Variants in GAD2 observed in about 807,000 individuals in gnomAD.
The protein encoded by GAD2 is glutamate decarboxylase 2.
GAD2 carries 22 observed loss-of-function variants against 80.1 expected under a neutral mutation model. That is an observed-to-expected ratio of 0.27 (90% CI 0.20 to 0.39). GAD2 has a LOEUF of 0.39. Ranked by LOEUF, GAD2 falls within the 10% of genes least tolerant of loss-of-function variation. The pLI, the probability that GAD2 is intolerant of heterozygous loss-of-function variation, is 1.00. For missense variants in GAD2, 624 were observed against 738.4 expected (o/e 0.85, Z 1.80); for synonymous variants, 274 against 256.9 (o/e 1.07, Z -0.64).
chr10:26,233,031 CT>C (rs60784387), intron 7 of GAD2, among the ~76,000 whole-genome samples: 2,716 of 152,258 alleles, frequency 0.018, 89 homozygotes, highest in African/African-American at 0.062. Flanking sequence ...TTATATCTGA[CT>C]ACTATTTGAC....
intron 15 of GAD2, among the ~76,000 whole-genome samples, chr10:26,295,508 G>GCACACATACACA: frequency 7.5e-6 from 1 of 133,902 alleles, no homozygotes; most frequent in African/African-American, 3.0e-5. Context: ...TCATACGCAT[G>GCACACATACACA]CACACACACA....
At chr10:26,218,551 TCACACACACACA>T (rs59054319) in intron 3 of GAD2, among the ~76,000 whole-genome samples, 6 of 118,860 alleles carry the variant, frequency 5.0e-5, no homozygotes, top group East Asian at 5.5e-4. Context: ...TCTCTCTCTC[TCACACACACACA>T]CACACACACA....
intron 9 of GAD2, among the ~76,000 whole-genome samples, chr10:26,270,357 G>A (rs915782680): frequency 1.3e-5 from 2 of 152,114 alleles, no homozygotes; most frequent in African/African-American, 4.8e-5. Context: ...TACATGTCTC[G>A]GGGACGTCCC....
At chr10:26,221,165 T>G (rs543767765) in intron 4 of GAD2, among the ~76,000 whole-genome samples, 2 of 152,366 alleles carry the variant, frequency 1.3e-5, no homozygotes, top group East Asian at 3.9e-4. Context: ...ACTGTCATAC[T>G]TGTCATCTAA....
chr10:26,281,084 A>C lies in GAD2; in HGVS notation c.1233A>C (p.Glu411Asp). 2 of 1,608,766 alleles carry C rather than the reference A, an allele frequency of 1.2e-6. No homozygotes were observed. The highest frequency in any genetic ancestry group is 1.3e-5 in the African/African-American group (1 of 74,916). Reference sequence around the variant, plus strand: ...AGTGCTCTGCTCTCCTGGTTAGAGAAGAGGTATGTCTCTCTTGACTCTGTG... The same window carrying C: ...AGTGCTCTGCTCTCCTGGTTAGAGACGAGGTATGTCTCTCTTGACTCTGTG... ...PLQCSALLVREEGLMQNCNQM... is the reference protein window; with the variant it reads ...PLQCSALLVRDEGLMQNCNQM... The change falls in exon 12 of 16, where the codon GAA becomes GAC. Residue 411 changes from glutamate (E) to aspartate (D), a missense_variant. Glu to Asp is a conservative substitution (Grantham distance 45). Coordinates refer to ENST00000376261, the MANE Select transcript of GAD2 (RefSeq NM_001134366.2).
At position 26,217,271 on chromosome 10, in the gene GAD2, AAGAC is replaced by A. The variant is rs1056090061; in HGVS notation, c.77-336_77-333del. Among the ~76,000 whole-genome samples the A allele has an allele frequency of 6.6e-6, 1 of 152,124 alleles. No individual in the cohort carries two copies. The highest frequency in any genetic ancestry group is 1.5e-5 in the Non-Finnish European group (1 of 68,012). Reference sequence around the variant, plus strand: ...AAGGTGAGAGATTTCTTTATCTAGAAAGACAGTCTGCGAAAAAATGGATAGCTTC... The same window carrying A: ...AAGGTGAGAGATTTCTTTATCTAGAAAGTCTGCGAAAAAATGGATAGCTTC... On this transcript the variant is annotated intron_variant, in intron 1 of 15. Transcript: ENST00000376261. This position sits in a 1 kb window ranked among gnomAD's most constrained non-coding sequence, Gnocchi z 4.9.
Position 26,302,074 on chromosome 10 carries a change from A to G in GAD2, c.*1113A>G, listed in dbSNP as rs1356556850. ...CCAGAAAATTAAAGTTGGCCTTGGG[A>G]GAAGAGATCTCTGTGGGACAATAAT... is the stretch of plus-strand genomic sequence containing the variant. On this transcript the variant is annotated 3_prime_UTR_variant, in exon 16 of 16. Coordinates refer to ENST00000376261, the MANE Select transcript of GAD2 (RefSeq NM_001134366.2). 1 of 152,204 alleles carries G rather than the reference A, an allele frequency of 6.6e-6. No individual in the cohort carries two copies. Among genetic ancestry groups the G allele is most frequent in the Non-Finnish European group, 1.5e-5 (1 of 68,038 alleles). 9.4% of individuals were successfully genotyped at this position (152,204 alleles called of 1,614,324 possible).
chr10:26,241,127 G>A (rs1030341051), intron 7 of GAD2, among the ~76,000 whole-genome samples: 4 of 151,948 alleles, frequency 2.6e-5, no homozygotes, highest in Non-Finnish European at 5.9e-5. Context: ...AAAATTATTT[G>A]GGCTTTAATA....
At chr10:26,271,270 C>T (rs990113945) in intron 10 of GAD2, among the ~76,000 whole-genome samples, 7 of 152,116 alleles carry the variant, frequency 4.6e-5, no homozygotes, top group Non-Finnish European at 7.4e-5. Context: ...GTTCCAATTT[C>T]GTAGCTTGGT....
At chr10:26,293,116 G>A in intron 15 of GAD2, 125 bp downstream of exon 15, 5 of 687,432 alleles carry the variant, frequency 7.3e-6, no homozygotes, top group Non-Finnish European at 1.0e-5. Flanking sequence ...ATTCCCGTCT[G>A]TGGACTCCTA....
intron 10 of GAD2, among the ~76,000 whole-genome samples, chr10:26,272,602 G>A (rs1157019016): frequency 2.6e-5 from 4 of 152,154 alleles, no homozygotes; most frequent in Non-Finnish European, 5.9e-5. Flanking sequence ...AGTGTCTCAC[G>A]CCTGTAATCC....
chr10:26,296,378 C>T (rs550179057), intron 15 of GAD2, among the ~76,000 whole-genome samples: 2 of 152,298 alleles, frequency 1.3e-5, no homozygotes, highest in South Asian at 2.1e-4. Flanking sequence ...GCTCATAAGC[C>T]TTTTTCCAGA....
chr10:26,250,504 GGAA>G (rs2132291362), intron 8 of GAD2, among the ~76,000 whole-genome samples: 1 of 152,188 alleles, frequency 6.6e-6, no homozygotes, highest in African/African-American at 2.4e-5. Flanking sequence ...GTGGGATGAG[GGAA>G]GAAGGAGGGG....
upstream of GAD2, chr10:26,216,527 C>G: frequency 3.6e-6 from 1 of 274,588 alleles, no homozygotes; most frequent in Non-Finnish European, 6.7e-6. The surrounding 1 kb of genome is among the most constrained non-coding windows in gnomAD (Gnocchi z 4.7). Context: ...TTCCTGAGTC[C>G]GGGCTCCGAG....
chr10:26,257,202 C>A (rs1329040930), intron 8 of GAD2, among the ~76,000 whole-genome samples: 1 of 152,056 alleles, frequency 6.6e-6, no homozygotes, highest in Non-Finnish European at 1.5e-5. Flanking sequence ...CGTGGTGAAA[C>A]CCCATCTCTA....
intron 13 of GAD2, among the ~76,000 whole-genome samples, chr10:26,287,639 G>A (rs1185187929): frequency 6.6e-6 from 1 of 152,218 alleles, no homozygotes; most frequent in Non-Finnish European, 1.5e-5. Context: ...ATGTAAGGTT[G>A]TGGTGGCCTT....
At chr10:26,292,720 A>C in intron 14 of GAD2, 148 bp downstream of exon 14, 1 of 862,000 alleles carries the variant, frequency 1.2e-6, no homozygotes. Flanking sequence ...AAGCTGGAAT[A>C]AAGACGAAAC....
chr10:26,217,781 G>C lies in GAD2; in HGVS notation c.137-61G>C. 1 of 1,579,044 alleles carries C rather than the reference G, an allele frequency of 6.3e-7. No individual in the cohort carries two copies. The highest frequency in any genetic ancestry group is 8.6e-7 in the Non-Finnish European group (1 of 1,161,606). On this transcript the variant is annotated intron_variant, in intron 2 of 15. Coordinates refer to ENST00000376261, the MANE Select transcript of GAD2 (RefSeq NM_001134366.2). This position sits in a 1 kb window ranked among gnomAD's most constrained non-coding sequence, Gnocchi z 4.9. ...GGGTTTCCTGGCTGCGGGTAGGCGG[G>C]AGCGAGGGAGCCGGGCCCGGCGGAG...
chr10:26,298,231 T>C (rs1834295402), intron 15 of GAD2, among the ~76,000 whole-genome samples: 1 of 152,230 alleles, frequency 6.6e-6, no homozygotes, highest in African/African-American at 2.4e-5. Context: ...CCTTGAACCC[T>C]GGACCCATCT....
Sources: allele counts gnomAD v4.1 joint callset (sites outside exome capture counted in the v4.1 genomes callset), GRCh38; gene constraint gnomAD v4.1.1; non-coding constraint Gnocchi (gnomAD v3.1); transcripts MANE v1.5; gene names NCBI Gene and HGNC (gene_info 2026-07-23, HGNC 2026-07-21).